The following TOP3A variants were observed in gnomAD, a reference collection of about 807,000 sequenced individuals.
The protein encoded by TOP3A is DNA topoisomerase III alpha.
In TOP3A, 64 loss-of-function variants were observed where a neutral mutation model predicts 111.3. The ratio of observed to expected loss-of-function variants is 0.57; its 90% CI spans 0.47 to 0.71. The LOEUF is 0.71. Among genes scored for constraint, TOP3A ranks in the 30% least tolerant of loss-of-function variants. The pLI is 0.00. For missense variants in TOP3A, 1,104 were observed against 1,285.0 expected (o/e 0.86, Z 2.15); for synonymous variants, 484 against 485.1 (o/e 1.00, Z 0.03).
intron 16 of TOP3A, 78 bp downstream of exon 16, chr17:18,282,620 A>G (rs1172559381): frequency 1.3e-6 from 2 of 1,582,680 alleles, no homozygotes; most frequent in Non-Finnish European, 1.7e-6. Flanking sequence ...ATGGAGTGAA[A>G]TGGCAGGGTC....
At chr17:18,284,294 G>A (rs999082436) in intron 15 of TOP3A, among the ~76,000 whole-genome samples, 2 of 151,848 alleles carry the variant, frequency 1.3e-5, no homozygotes, top group Non-Finnish European at 2.9e-5. Flanking sequence ...TTACAGGCGT[G>A]AGCCACCGTG....
chr17:18,300,207 A>G (rs1368229850), intron 8 of TOP3A, among the ~76,000 whole-genome samples: 2 of 152,208 alleles, frequency 1.3e-5, no homozygotes, highest in Admixed American at 1.3e-4. Context: ...CATCCTGGCC[A>G]ACATGGTGAA....
intron 13 of TOP3A, among the ~76,000 whole-genome samples, chr17:18,286,908 CGA>C (rs1470687514): frequency 6.6e-6 from 1 of 152,108 alleles, no homozygotes; most frequent in Non-Finnish European, 1.5e-5. Flanking sequence ...CTCAGCCTCC[CGA>C]GTAGCTGGGA....
rs767606553 is a variant in TOP3A at position 18,314,581 on chromosome 17, C to T, written c.180+18G>A. 5.6e-6 allele frequency: 9 copies of T among 1,599,160 alleles called. No individual in the cohort carries two copies. The East Asian group carries it at 2.0e-4, about 36-fold the overall frequency. On this transcript the variant is annotated intron_variant, in intron 1 of 18. Transcript: ENST00000321105. ...GCCTCCCTTAAGGCACGCAGCTGAT[C>T]GGAACGCGCTTTCTTACCCGCCTCA...
In TOP3A at chr17:18,278,342, AAACTTT is replaced by A. The variant is rs1223544704; in HGVS notation, c.2154_2159del (p.Leu718_Lys719del). The A allele has an allele frequency of 2.6e-6, 4 of 1,512,960 alleles. No homozygotes were observed. Among genetic ancestry groups the A allele is most frequent in the East Asian group, 2.3e-5 (1 of 43,872 alleles). The allele number at this position is 1,512,960 out of a possible 1,614,324, so 93.7% of individuals were successfully genotyped here. A position where few individuals can be genotyped will look rare whatever the true frequency, so the allele number is the denominator to read the frequency against. On this transcript the variant is annotated inframe_deletion, in exon 18 of 19. Transcript: ENST00000321105. ...TGGTCGGGGGAAGGCTACCGCGCTTAAACTTTAACTTTAACCTAGTGAGGCCAGAAG... is the reference window on the plus strand; with the variant it reads ...TGGTCGGGGGAAGGCTACCGCGCTTAAACTTTAACCTAGTGAGGCCAGAAG...
chr17:18,278,044 C>G lies in TOP3A; in HGVS notation c.2458G>C (p.Val820Leu). 6.2e-7 allele frequency: 1 copy of G among 1,614,200 alleles called. No individual in the cohort carries two copies. Among genetic ancestry groups the G allele is most frequent in the South Asian group, 1.1e-5 (1 of 91,092 alleles). ...SVTCNCGQEAVLLTVRKEGPN... is the reference protein window; with the variant it reads ...SVTCNCGQEALLLTVRKEGPN... ...CCCTCCTTACGGACAGTGAGCAGCA[C>G]AGCCTCCTGGCCACAGTTGCAGGTC... Residue 820 changes from valine to leucine, a missense_variant, in exon 18 of 19, where the codon GTG (valine) becomes CTG (leucine). Val to Leu is a conservative substitution (Grantham distance 32). Coordinates refer to ENST00000321105, the MANE Select transcript of TOP3A (RefSeq NM_004618.5).
Position 18,274,959 on chromosome 17 carries a change from CA to C in TOP3A, c.2848del (p.Trp950GlyfsTer58). On this transcript the variant is annotated frameshift_variant, in exon 19 of 19. Coordinates refer to ENST00000321105, the MANE Select transcript of TOP3A (RefSeq NM_004618.5). LOFTEE classifies it low-confidence loss of function (END_TRUNC). ...TAPGTSGAPSWTGDRGRTLES... is the reference protein window; with the variant it reads ...TAPGTSGAPSXTGDRGRTLES... The stretch of plus-strand genomic sequence containing the variant: ...CAGGGTTCTTCCTCTGTCTCCTGTC[CA>C]GGACGGGGCTCCAGAAGTCCCTGTC... The C allele has an allele frequency of 6.2e-7, 1 of 1,613,850 alleles. No individual in the cohort carries two copies. The highest frequency in any genetic ancestry group is 8.5e-7 in the Non-Finnish European group (1 of 1,179,946).
intron 5 of TOP3A, chr17:18,302,990 T>C (rs1212110738): frequency 2.6e-6 from 1 of 387,640 alleles, no homozygotes; most frequent in African/African-American, 2.1e-5. Flanking sequence ...ATCAGATCGT[T>C]ACTGTGTCTA....
intron 17 of TOP3A, 43 bp downstream of exon 17, chr17:18,280,493 T>C (rs2142939467): frequency 6.2e-7 from 1 of 1,600,988 alleles, no homozygotes; most frequent in East Asian, 2.2e-5. Context: ...AAAGATGGTG[T>C]ACACACTCCA....
At chr17:18,297,580 A>G (rs1369344841) in intron 9 of TOP3A, among the ~76,000 whole-genome samples, 1 of 152,098 alleles carries the variant, frequency 6.6e-6, no homozygotes, top group Non-Finnish European at 1.5e-5. Context: ...GCGCCGCCAC[A>G]CCTGACTGGT....
At chr17:18,296,715 T>G (rs998849239) in intron 9 of TOP3A, among the ~76,000 whole-genome samples, 1 of 152,246 alleles carries the variant, frequency 6.6e-6, no homozygotes, top group Non-Finnish European at 1.5e-5. Flanking sequence ...TTAGCCTCCA[T>G]GCTTGTTAGC....
intron 4 of TOP3A, 143 bp downstream of exon 4, chr17:18,306,748 G>T: frequency 3.2e-6 from 2 of 626,594 alleles, no homozygotes; most frequent in East Asian, 5.5e-5. Context: ...TTTATACAAT[G>T]GGTGGGAACC....
chr17:18,287,945 CAG>C (rs1389005513), intron 13 of TOP3A, among the ~76,000 whole-genome samples: 1 of 151,452 alleles, frequency 6.6e-6, no homozygotes, highest in African/African-American at 2.4e-5. Context: ...TTGCAGTGAG[CAG>C]AGATTGTGCC....
rs1303542739 is a variant in TOP3A at position 18,272,052 on chromosome 17, C to T, written c.*2750G>A. Reference sequence around the variant, plus strand: ...CTGCACTCCAGCCTGGGCACAAGAGCGAAACTCCATCTCAAAAAAAAATAA... The same window carrying T: ...CTGCACTCCAGCCTGGGCACAAGAGTGAAACTCCATCTCAAAAAAAAATAA... On this transcript the variant is annotated 3_prime_UTR_variant, in exon 19 of 19. Coordinates refer to ENST00000321105, the MANE Select transcript of TOP3A (RefSeq NM_004618.5). Among the ~76,000 whole-genome samples the T allele has an allele frequency of 2.7e-5, 4 of 150,812 alleles. No homozygotes were observed. Among genetic ancestry groups the T allele is most frequent in the South Asian group, 2.1e-4 (1 of 4,760 alleles).
chr17:18,292,178 A>G (rs997422291), intron 11 of TOP3A, among the ~76,000 whole-genome samples: 74 of 152,246 alleles, frequency 4.9e-4, no homozygotes, highest in Non-Finnish European at 1.9e-4. Context: ...CTGTGCCTGC[A>G]GAGCCTGCCC....
At position 18,278,324 on chromosome 17, in the gene TOP3A, G is replaced by A. The variant is rs951781429; in HGVS notation, c.2178C>T (p.Pro726=). Residue 726 remains proline (P), a synonymous_variant, in exon 18 of 19, where the codon CCC becomes CCT. Coordinates refer to ENST00000321105, the MANE Select transcript of TOP3A (RefSeq NM_004618.5). ...LKLKFKRGSL[P]PTMPLEFVCC... is the part of the protein sequence containing the mutation. ...AAACAAACTCCAGAGGCATGGTCGG[G>A]GGAAGGCTACCGCGCTTAAACTTTA... 2 of 1,516,394 alleles carry A rather than the reference G, an allele frequency of 1.3e-6. No individual in the cohort carries two copies. The highest frequency in any genetic ancestry group is 1.4e-5 in the African/African-American group (1 of 71,804). The allele number at this position is 1,516,394 out of a possible 1,614,324, so 93.9% of individuals were successfully genotyped here. A position where few individuals can be genotyped will look rare whatever the true frequency, so the allele number is the denominator to read the frequency against.
chr17:18,283,188 G>A (rs1029077666), intron 15 of TOP3A, among the ~76,000 whole-genome samples: 7 of 152,122 alleles, frequency 4.6e-5, no homozygotes, highest in African/African-American at 1.7e-4. Context: ...TGACCAACAT[G>A]GTGAAACCCC....
At chr17:18,305,072 T>C in intron 5 of TOP3A, 40 bp downstream of exon 5, 1 of 1,546,690 alleles carries the variant, frequency 6.5e-7, no homozygotes, top group Non-Finnish European at 8.9e-7. Context: ...ATTTATGGAG[T>C]TCCAAAGTAG....
chr17:18,307,222 C>A (rs1405582422), intron 3 of TOP3A: 1 of 353,406 alleles, frequency 2.8e-6, no homozygotes, highest in East Asian at 4.5e-5. Context: ...AAAGGTCTGG[C>A]AATTTTGAGG....
Sources: gnomAD v4.1 joint callset for allele counts (sites outside exome capture counted in the v4.1 genomes callset) on GRCh38, gnomAD v4.1.1 for gene constraint, MANE v1.5 for transcripts, NCBI Gene and HGNC (gene_info 2026-07-23, HGNC 2026-07-21) for gene names.